STK31: variants seen among roughly 807,000 people sequenced by gnomAD.
STK31 encodes the protein serine/threonine kinase 31.
A neutral mutation model predicts 129.7 loss-of-function variants in STK31; 89 were observed. That is an observed-to-expected ratio of 0.69 (90% confidence interval 0.58 to 0.82). The LOEUF is 0.82. Among genes scored for constraint, STK31 ranks in the 40% least tolerant of loss-of-function variants. STK31 has a pLI of 0.00. For synonymous variants in STK31, 448 were observed against 395.3 expected (o/e 1.13, Z -1.58); for missense variants, 1,187 against 1,176.4 (o/e 1.01, Z -0.13).
At chr7:23,773,740 T>A (rs1490591910) in intron 15 of STK31, among the ~76,000 whole-genome samples, 1 of 119,944 alleles carries the variant, frequency 8.3e-6, no homozygotes, top group Non-Finnish European at 1.7e-5. Context: ...TGTGAGTGTG[T>A]GTGTGTGTGT....
chr7:23,788,210 T>A, intron 21 of STK31, 81 bp downstream of exon 21: 1 of 1,139,316 alleles, frequency 8.8e-7, no homozygotes, highest in Non-Finnish European at 1.2e-6. Flanking sequence ...ATATATAATA[T>A]AATACTTTAT....
At chr7:23,768,603 G>A (rs1264985550) in intron 11 of STK31, among the ~76,000 whole-genome samples, 2 of 152,050 alleles carry the variant, frequency 1.3e-5, no homozygotes, top group South Asian at 2.1e-4. Flanking sequence ...TACTTAATGG[G>A]TTCAATGTAC....
At position 23,761,568 on chromosome 7, in the gene STK31, C is replaced by T. The variant is rs372663559; in HGVS notation, c.1294-1233C>T. Among the ~76,000 whole-genome samples the T allele has an allele frequency of 5.3e-5, 8 of 151,978 alleles. No homozygotes were observed. In the South Asian group the frequency reaches 1.7e-3, roughly 32 times the overall value. ...CCCGAGTTGCTGGGACTACAGGCGCCTGCCACTCTGCCCAGCTAATTTTTT... is the reference window on the plus strand; with the variant it reads ...CCCGAGTTGCTGGGACTACAGGCGCTTGCCACTCTGCCCAGCTAATTTTTT... On this transcript the variant is annotated intron_variant, in intron 10 of 23. Coordinates refer to ENST00000355870, the MANE Select transcript of STK31 (RefSeq NM_031414.5).
chr7:23,763,382 A>T (rs975661150), intron 11 of STK31, among the ~76,000 whole-genome samples: 1 of 152,174 alleles, frequency 6.6e-6, no homozygotes, highest in Admixed American at 6.5e-5. Context: ...GATATGGTGG[A>T]ATCTTGTCTT....
intron 23 of STK31, 69 bp from the exon 24 acceptor site, chr7:23,832,067 C>A: frequency 1.8e-6 from 2 of 1,121,238 alleles, no homozygotes; most frequent in Non-Finnish European, 2.7e-6. Flanking sequence ...AAAAATAAGT[C>A]CACTTCCTTC....
chr7:23,823,508 G>C (rs1014979932), intron 23 of STK31, among the ~76,000 whole-genome samples: 30 of 152,272 alleles, frequency 2.0e-4, no homozygotes, highest in Non-Finnish European at 3.4e-4. Context: ...CCCTTTGTCA[G>C]ATGAGTAGGT....
At chr7:23,811,343 C>A in intron 22 of STK31, 1 of 404,214 alleles carries the variant, frequency 2.5e-6, no homozygotes, top group South Asian at 2.2e-5. Context: ...TTCTGGTCTT[C>A]ATTCTTCAAG....
chr7:23,737,920 G>T (rs547919887), intron 8 of STK31, among the ~76,000 whole-genome samples: 2 of 151,666 alleles, frequency 1.3e-5, no homozygotes, highest in African/African-American at 4.8e-5. Context: ...CAAATCTGTT[G>T]TTCCTGCACT....
intron 11 of STK31, among the ~76,000 whole-genome samples, chr7:23,767,915 T>C (rs1441377985): frequency 2.0e-5 from 3 of 152,192 alleles, no homozygotes; most frequent in African/African-American, 7.2e-5. Context: ...TCTCTTAAGC[T>C]TTTTTTCTTA....
chr7:23,812,921 TCACA>T lies in STK31; in HGVS notation c.2761-2218_2761-2215del, dbSNP rs969684311. ...TATGTATGTATGTGTATATGTGTAC[TCACA>T]CACATACATACACACCACCGTTTCT... is the stretch of plus-strand genomic sequence containing the variant. On this transcript the variant is annotated intron_variant, in intron 22 of 23. Coordinates refer to ENST00000355870, the MANE Select transcript of STK31 (RefSeq NM_031414.5). Among the ~76,000 whole-genome samples, 27 of 152,300 alleles carry T rather than the reference TCACA, an allele frequency of 1.8e-4. No individual in the cohort carries two copies. The South Asian group carries it at 3.1e-3, about 18-fold the overall frequency.
chr7:23,823,594 T>A (rs1306406641), intron 23 of STK31, among the ~76,000 whole-genome samples: 1 of 152,204 alleles, frequency 6.6e-6, no homozygotes, highest in Non-Finnish European at 1.5e-5. Flanking sequence ...AGAAGCTCTT[T>A]AGTTTAATTA....
chr7:23,815,197 G>A lies in STK31; in HGVS notation c.2814G>A (p.Val938=), dbSNP rs1188676965. 2 of 1,589,234 alleles carry A rather than the reference G, an allele frequency of 1.3e-6. No individual in the cohort carries two copies. The highest frequency in any genetic ancestry group is 2.7e-5 in the African/African-American group (2 of 72,806). ...FEINKDGIPK[V]DQFHLDDKVK... The stretch of plus-strand genomic sequence containing the variant: ...TAAATAAAGATGGAATCCCCAAAGT[G>A]GATCAGTTTCATCTGGTATGTGACC... Residue 938 remains valine (V), a synonymous_variant, in exon 23 of 24, where the codon GTG becomes GTA. Coordinates refer to ENST00000355870, the MANE Select transcript of STK31 (RefSeq NM_031414.5).
At chr7:23,768,657 C>G (rs899817881) in intron 11 of STK31, among the ~76,000 whole-genome samples, 1 of 152,050 alleles carries the variant, frequency 6.6e-6, no homozygotes, top group Non-Finnish European at 1.5e-5. Context: ...TACCACTACA[C>G]AATATATCCA....
chr7:23,770,904 C>G (rs41273996), intron 13 of STK31, 101 bp from the exon 14 acceptor site: 331,141 of 1,210,856 alleles, frequency 0.27, 47,209 homozygotes, highest in South Asian at 0.35. Flanking sequence ...CTGCGGAAAT[C>G]TGTTAAAGGC....
At chr7:23,732,817 A>C (rs1434762518) in intron 6 of STK31, among the ~76,000 whole-genome samples, 1 of 152,172 alleles carries the variant, frequency 6.6e-6, no homozygotes, top group Non-Finnish European at 1.5e-5. Context: ...ATTTTCAAAG[A>C]CTTCCTAGGG....
chr7:23,822,948 A>G (rs1478716724), intron 23 of STK31, among the ~76,000 whole-genome samples: 1 of 152,198 alleles, frequency 6.6e-6, no homozygotes, highest in African/African-American at 2.4e-5. Context: ...ATGGCTGCAT[A>G]GTATTCCATG....
At chr7:23,760,095 G>A (rs1385186831) in intron 10 of STK31, among the ~76,000 whole-genome samples, 3 of 152,112 alleles carry the variant, frequency 2.0e-5, no homozygotes, top group African/African-American at 7.2e-5. Context: ...TATTAGCTTA[G>A]GTACAAGTAT....
chr7:23,739,920 T>G (rs1289719236), intron 8 of STK31, among the ~76,000 whole-genome samples: 2 of 152,158 alleles, frequency 1.3e-5, no homozygotes, highest in Non-Finnish European at 2.9e-5. Context: ...TGTCTCCAGG[T>G]TTGTTCATTT....
chr7:23,815,499 A>G, intron 23 of STK31, among the ~76,000 whole-genome samples: 1 of 152,274 alleles, frequency 6.6e-6, no homozygotes, highest in Non-Finnish European at 1.5e-5. Flanking sequence ...ATAATGTTTT[A>G]TTATAACTTA....
Sources: gnomAD v4.1 joint callset for allele counts (sites outside exome capture counted in the v4.1 genomes callset) on GRCh38, gnomAD v4.1.1 for gene constraint, MANE v1.5 for transcripts, NCBI Gene and HGNC (gene_info 2026-07-23, HGNC 2026-07-21) for gene names.